Variants in NT5DC3 observed in about 807,000 individuals in gnomAD.
NT5DC3 encodes the protein 5'-nucleotidase domain-containing protein 3.
In NT5DC3, 42 loss-of-function variants were observed where a neutral mutation model predicts 67.8. The ratio of observed to expected loss-of-function variants is 0.62; its 90% CI spans 0.48 to 0.80. The LOEUF is 0.80. Among genes scored for constraint, NT5DC3 ranks in the 30% least tolerant of loss-of-function variants. The pLI, the probability that NT5DC3 is intolerant of heterozygous loss-of-function variation, is 0.00. For synonymous variants in NT5DC3, 237 were observed against 255.6 expected (o/e 0.93, Z 0.69); for missense variants, 570 against 696.4 (o/e 0.82, Z 2.04).
At chr12:103,756,996 A>AATATATATATATATAT in the NT5DC3 span, among the ~76,000 whole-genome samples, 78 of 56,260 alleles carry the variant, frequency 1.4e-3, no homozygotes, top group African/African-American at 4.9e-3. Flanking sequence ...AAGGAGGGAA[A>AATATATATATATATAT]ATATATATAT....
chr12:103,770,259 G>A (rs1169064429), downstream of NT5DC3, among the ~76,000 whole-genome samples: 1 of 152,116 alleles, frequency 6.6e-6, no homozygotes, highest in African/African-American at 2.4e-5. Flanking sequence ...AATGAGTGAA[G>A]AATTAGAAAT....
intron 1 of NT5DC3, among the ~76,000 whole-genome samples, chr12:103,834,955 T>C (rs1001321814): frequency 1.3e-5 from 2 of 152,228 alleles, no homozygotes; most frequent in African/African-American, 2.4e-5. Context: ...TTCTTCTGAC[T>C]GTGCCTTCCT....
chr12:103,835,672 G>T (rs774610630), intron 1 of NT5DC3, among the ~76,000 whole-genome samples: 5 of 152,152 alleles, frequency 3.3e-5, no homozygotes, highest in Non-Finnish European at 7.4e-5. Context: ...TCTGCTGGGT[G>T]CCAAGCACAC....
At chr12:103,751,391 G>A in the NT5DC3 span, among the ~76,000 whole-genome samples, 2 of 152,128 alleles carry the variant, frequency 1.3e-5, no homozygotes, top group East Asian at 3.8e-4. Context: ...GTGAGATGAG[G>A]TTGAAAGAAC....
chr12:103,824,803 T>G (rs1414884095), intron 1 of NT5DC3, among the ~76,000 whole-genome samples: 2 of 135,264 alleles, frequency 1.5e-5, no homozygotes, highest in Non-Finnish European at 3.1e-5. Flanking sequence ...CAGGCCCTAC[T>G]CATTTTCTTT....
downstream of NT5DC3, among the ~76,000 whole-genome samples, chr12:103,765,704 C>T (rs1046929927): frequency 1.3e-5 from 2 of 152,044 alleles, no homozygotes; most frequent in Non-Finnish European, 2.9e-5. Context: ...GCATGTGCCA[C>T]CTAATTTTTG....
At chr12:103,766,754 C>G (rs916157283), downstream of NT5DC3, 1 of 160,204 alleles carries the variant, frequency 6.2e-6, no homozygotes, top group African/African-American at 2.4e-5. Context: ...TGGGACTGCA[C>G]CAGAGGAGGA....
chr12:103,746,633 A>C, the NT5DC3 span: 16 of 1,614,026 alleles, frequency 9.9e-6, no homozygotes, highest in Non-Finnish European at 1.4e-5. Flanking sequence ...TGTTCTGCTC[A>C]TGCCACCTGT....
the NT5DC3 span, among the ~76,000 whole-genome samples, chr12:103,754,527 G>C: frequency 3.3e-5 from 5 of 152,098 alleles, no homozygotes; most frequent in African/African-American, 7.2e-5. Flanking sequence ...CCTGACCCCA[G>C]ATAAGCTCCC....
chr12:103,752,944 A>G, the NT5DC3 span, among the ~76,000 whole-genome samples: 1 of 152,352 alleles, frequency 6.6e-6, no homozygotes, highest in East Asian at 1.9e-4. Context: ...CCATGGAGTA[A>G]TGATTATTTC....
At chr12:103,764,663 A>G in the NT5DC3 span, among the ~76,000 whole-genome samples, 1 of 152,204 alleles carries the variant, frequency 6.6e-6, no homozygotes, top group Non-Finnish European at 1.5e-5. Flanking sequence ...ATTTTTCCAA[A>G]GTAAATCAAG....
intron 11 of NT5DC3, among the ~76,000 whole-genome samples, chr12:103,787,137 A>G (rs1885819494): frequency 6.6e-6 from 1 of 152,194 alleles, no homozygotes; most frequent in Non-Finnish European, 1.5e-5. Flanking sequence ...AAAAAGAACA[A>G]TGGCATTTAT....
At chr12:103,755,345 G>A in the NT5DC3 span, 152 of 1,613,978 alleles carry the variant, frequency 9.4e-5, no homozygotes, top group Middle Eastern at 1.6e-4. Context: ...GAGACCGGGC[G>A]GGTTGCCTAC....
At chr12:103,832,273 T>C (rs559145475) in intron 1 of NT5DC3, among the ~76,000 whole-genome samples, 1 of 152,152 alleles carries the variant, frequency 6.6e-6, no homozygotes, top group African/African-American at 2.4e-5. Context: ...GACATCTGTT[T>C]CCACATGTCT....
chr12:103,788,298 T>C (rs1206490840), intron 10 of NT5DC3, among the ~76,000 whole-genome samples: 1 of 152,108 alleles, frequency 6.6e-6, no homozygotes, highest in African/African-American at 2.4e-5. Context: ...AATTAAAAAT[T>C]AGCTGGGTGT....
At chr12:103,790,069 A>G (rs1024411249) in intron 9 of NT5DC3, among the ~76,000 whole-genome samples, 4 of 152,134 alleles carry the variant, frequency 2.6e-5, no homozygotes, top group African/African-American at 4.8e-5. Flanking sequence ...ATCATGTTTT[A>G]CAGTAATACA....
In NT5DC3 at chr12:103,777,502, C is replaced by A; in HGVS notation, c.*327G>T. 1 of 316,414 alleles carries A rather than the reference C, an allele frequency of 3.2e-6. No homozygotes were observed. The highest frequency in any genetic ancestry group is 5.8e-6 in the Non-Finnish European group (1 of 172,120). 19.6% of individuals were successfully genotyped at this position (316,414 alleles called of 1,614,324 possible). ...TGGAGGAGTCAAGAACCGTTTCAAG[C>A]TTGACCTGCTAGAATACAGACATGG... On this transcript the variant is annotated 3_prime_UTR_variant, in exon 14 of 14. Coordinates refer to ENST00000392876, the MANE Select transcript of NT5DC3 (RefSeq NM_001031701.3).
chr12:103,808,325 T>C (rs1646722551), intron 2 of NT5DC3, among the ~76,000 whole-genome samples: 2 of 152,232 alleles, frequency 1.3e-5, no homozygotes, highest in African/African-American at 4.8e-5. Flanking sequence ...CCTCGGAGCA[T>C]AGACCTGCAG....
At chr12:103,822,457 G>C (rs1566125077) in intron 1 of NT5DC3, among the ~76,000 whole-genome samples, 1 of 152,202 alleles carries the variant, frequency 6.6e-6, no homozygotes, top group Non-Finnish European at 1.5e-5. Context: ...AGTAAACACA[G>C]TTAACAGTAG....
Sources: gnomAD v4.1 joint callset for allele counts (sites outside exome capture counted in the v4.1 genomes callset) on GRCh38, gnomAD v4.1.1 for gene constraint, MANE v1.5 for transcripts, NCBI Gene and HGNC (gene_info 2026-07-23, HGNC 2026-07-21) for gene names.